SLC30A8: variants seen among roughly 807,000 people sequenced by gnomAD.
SLC30A8 encodes the protein proton-coupled zinc antiporter SLC30A8.
In SLC30A8, 27 loss-of-function variants were observed where a neutral mutation model predicts 36.9. The observed-to-expected ratio is 0.73, with a 90% CI of 0.54 to 1.01. The LOEUF is 1.01. Ranked by LOEUF, SLC30A8 falls within the 50% of genes least tolerant of loss-of-function variation. SLC30A8 has a pLI of 0.00. For synonymous variants in SLC30A8, 164 were observed against 172.4 expected (o/e 0.95, Z 0.38); for missense variants, 439 against 452.0 (o/e 0.97, Z 0.26).
At chr8:117,167,496 T>TATATATATATATATATAC (rs1403884282) in intron 6 of SLC30A8, among the ~76,000 whole-genome samples, 15 of 140,580 alleles carry the variant, frequency 1.1e-4, no homozygotes, top group African/African-American at 4.1e-4. Context: ...TATATATACA[T>TATATATATATATATATAC]ACATACATGT....
rs555339548 is a variant in SLC30A8, at chr8:117,063,164, A to T, written c.-226+23906A>T. Reference sequence around the variant, plus strand: ...TTTATTCTTGGCAGAATTGCTTTGGATGGCTGCTCACCTTCTTTCCAAAAC... The same window carrying T: ...TTTATTCTTGGCAGAATTGCTTTGGTTGGCTGCTCACCTTCTTTCCAAAAC... On this transcript the variant is annotated intron_variant, in intron 2 of 10. Transcript: ENST00000427715. Among the ~76,000 whole-genome samples, 219 of 152,316 alleles carry T rather than the reference A, an allele frequency of 1.4e-3. 1 individual carries two copies. The highest frequency in any genetic ancestry group is 2.4e-3 in the Non-Finnish European group (160 of 68,030).
chr8:116,970,513 G>A (rs1285677474), intron 1 of SLC30A8, among the ~76,000 whole-genome samples: 1 of 152,040 alleles, frequency 6.6e-6, no homozygotes, highest in African/African-American at 2.4e-5. Flanking sequence ...ACTTTTATAC[G>A]ACTGGCAGCA....
At chr8:117,140,122 C>T (rs1401960769) in intron 1 of SLC30A8, among the ~76,000 whole-genome samples, 1 of 151,864 alleles carries the variant, frequency 6.6e-6, no homozygotes, top group Non-Finnish European at 1.5e-5. Flanking sequence ...AGGGGTTCAA[C>T]AGTAGAGCTG....
chr8:116,965,540 A>G lies in SLC30A8; in HGVS notation c.-266+14421A>G, dbSNP rs115055619. ...GAGGTTGTTCTGTTCTTTGAGATCCAGATGAATTTGACTGGAACCCTCAAT... is the reference window on the plus strand; with the variant it reads ...GAGGTTGTTCTGTTCTTTGAGATCCGGATGAATTTGACTGGAACCCTCAAT... On this transcript the variant is annotated intron_variant, in intron 1 of 10. Coordinates refer to the SLC30A8 transcript ENST00000427715. Among the ~76,000 whole-genome samples the G allele has an allele frequency of 4.7e-3, 715 of 152,344 alleles. 2 individuals are homozygous for G. Among genetic ancestry groups the G allele is most frequent in the African/African-American group, 0.016 (668 of 41,584 alleles).
At position 117,171,150 on chromosome 8, in the gene SLC30A8, T is replaced by C. The variant is rs1210960262; in HGVS notation, c.946T>C (p.Ser316Pro). ...TCTAACAATGAATCAAGTAATTCTCTCAGCTCATGTTGCTACAGGTCAGTG... is the reference window on the plus strand; with the variant it reads ...TCTAACAATGAATCAAGTAATTCTCCCAGCTCATGTTGCTACAGGTCAGTG... ...WSLTMNQVIL[S>P]AHVATAASRD... The change falls in exon 7 of 8, where the codon TCA (serine) becomes CCA (proline). Residue 316 changes from serine to proline, a missense_variant. Transcript: ENST00000456015. The C allele has an allele frequency of 9.3e-6, 15 of 1,613,444 alleles. No homozygotes were observed. The highest frequency in any genetic ancestry group is 1.3e-5 in the Non-Finnish European group (15 of 1,179,620).
upstream of SLC30A8, among the ~76,000 whole-genome samples, chr8:117,134,615 C>T (rs775880588): frequency 6.6e-5 from 10 of 152,072 alleles, no homozygotes; most frequent in Non-Finnish European, 1.3e-4. Flanking sequence ...GAACAAAGCT[C>T]ACTCTGGTTC....
At chr8:117,084,778 A>G (rs1190969357) in intron 2 of SLC30A8, among the ~76,000 whole-genome samples, 1 of 152,200 alleles carries the variant, frequency 6.6e-6, no homozygotes, top group South Asian at 2.1e-4. Flanking sequence ...TACATGAGCT[A>G]CTTAAAATCA....
At chr8:116,975,683 C>T (rs917235861) in intron 1 of SLC30A8, among the ~76,000 whole-genome samples, 30 of 152,276 alleles carry the variant, frequency 2.0e-4, no homozygotes, top group African/African-American at 5.5e-4. Flanking sequence ...AATGAGCTTG[C>T]GCAAGAATTG....
At chr8:117,046,148 T>A (rs1817542800) in intron 2 of SLC30A8, among the ~76,000 whole-genome samples, 1 of 152,162 alleles carries the variant, frequency 6.6e-6, no homozygotes, top group African/African-American at 2.4e-5. Context: ...CAAATCCCGC[T>A]TGAGGCATGT....
chr8:117,024,746 A>G (rs1816819610), intron 1 of SLC30A8, among the ~76,000 whole-genome samples: 1 of 152,114 alleles, frequency 6.6e-6, no homozygotes, highest in African/African-American at 2.4e-5. Context: ...TTCCATAAAT[A>G]TTTATGTTCT....
intron 1 of SLC30A8, among the ~76,000 whole-genome samples, chr8:117,141,143 G>C (rs528097653): frequency 6.6e-6 from 1 of 152,108 alleles, no homozygotes; most frequent in East Asian, 1.9e-4. Context: ...CCCCAAAATA[G>C]AAGAGGTGTA....
chr8:116,955,924 C>A (rs2130579488), intron 1 of SLC30A8, among the ~76,000 whole-genome samples: 1 of 152,098 alleles, frequency 6.6e-6, no homozygotes, highest in Non-Finnish European at 1.5e-5. Flanking sequence ...TTTGAGCCAT[C>A]CAGTTTGTGG....
intron 3 of SLC30A8, among the ~76,000 whole-genome samples, chr8:117,154,305 C>G (rs570263948): frequency 1.3e-5 from 2 of 150,674 alleles, no homozygotes; most frequent in East Asian, 4.0e-4. Context: ...GTTATTCCTT[C>G]TATCAGCTGG....
chr8:117,140,017 AT>A (rs1232546258), intron 1 of SLC30A8, among the ~76,000 whole-genome samples: 19 of 152,126 alleles, frequency 1.2e-4, no homozygotes, highest in African/African-American at 4.1e-4. Flanking sequence ...AAAATTGAGA[AT>A]ATCAATGAAG....
At chr8:117,162,428 G>T (rs1351374489) in intron 5 of SLC30A8, among the ~76,000 whole-genome samples, 1 of 152,058 alleles carries the variant, frequency 6.6e-6, no homozygotes, top group Non-Finnish European at 1.5e-5. Flanking sequence ...TGGGGGAGAG[G>T]TAACTTCTCC....
intron 2 of SLC30A8, among the ~76,000 whole-genome samples, chr8:117,149,285 A>AGGT (rs1390468092): frequency 6.6e-6 from 1 of 152,044 alleles, no homozygotes; most frequent in African/African-American, 2.4e-5. Flanking sequence ...TTCTTGTTTG[A>AGGT]GGTGTGTTAT....
chr8:117,007,229 T>G (rs1259357636), intron 1 of SLC30A8: 2 of 152,032 alleles, frequency 1.3e-5, no homozygotes, highest in Non-Finnish European at 2.9e-5. Context: ...GTAAGAGAGA[T>G]AGAGATGGTT....
intron 2 of SLC30A8, among the ~76,000 whole-genome samples, chr8:117,127,970 A>C (rs1820975541): frequency 6.6e-6 from 1 of 152,034 alleles, no homozygotes; most frequent in African/African-American, 2.4e-5. Flanking sequence ...TTATATTATA[A>C]ATTCTCAGAG....
chr8:117,042,851 T>A (rs1426760336), intron 2 of SLC30A8, among the ~76,000 whole-genome samples: 1 of 152,156 alleles, frequency 6.6e-6, no homozygotes, highest in Non-Finnish European at 1.5e-5. Context: ...AATTTTTGTA[T>A]TTTTAGTAGA....
Sources: allele counts gnomAD v4.1 joint callset (sites outside exome capture counted in the v4.1 genomes callset), GRCh38; gene constraint gnomAD v4.1.1; transcripts MANE v1.5; gene names NCBI Gene and HGNC (gene_info 2026-07-23, HGNC 2026-07-21).